PDE1A: variants seen among roughly 807,000 people sequenced by gnomAD.
PDE1A encodes the protein phosphodiesterase 1A.
A neutral mutation model predicts 61.7 loss-of-function variants in PDE1A; 35 were observed. That is an observed-to-expected ratio of 0.57 (90% confidence interval 0.43 to 0.75). The LOEUF (loss-of-function observed/expected upper bound fraction) is 0.75. Among genes scored for constraint, PDE1A ranks in the 30% least tolerant of loss-of-function variants. The probability of loss-of-function intolerance (pLI) is 0.00; values close to 1 mark genes in which losing one functional copy is unlikely to be tolerated. For synonymous variants in PDE1A, 232 were observed against 213.2 expected, an observed-to-expected ratio of 1.09 and a Z score of -0.77; for missense variants, 597 against 630.6, an observed-to-expected ratio of 0.95 and a Z score of 0.57.
intron 2 of PDE1A, among the ~76,000 whole-genome samples, chr2:182,455,560 T>C (rs536230165): frequency 1.3e-5 from 2 of 152,136 alleles, no homozygotes; most frequent in Non-Finnish European, 2.9e-5. Flanking sequence ...ATATACACCA[T>C]GGAACACTAT....
intron 4 of PDE1A, 111 bp from the exon 5 acceptor site, chr2:182,231,242 T>G (rs1274954557): frequency 3.0e-6 from 2 of 676,362 alleles, no homozygotes; most frequent in Non-Finnish European, 5.2e-6. Context: ...CAATTTAGCA[T>G]GTCAAACTAC....
At chr2:182,681,560 C>T in the PDE1A span, among the ~76,000 whole-genome samples, 1 of 134,822 alleles carries the variant, frequency 7.4e-6, no homozygotes, top group South Asian at 2.6e-4. Context: ...AATTGCCAAA[C>T]GAGCACCTCT....
chr2:182,455,359 G>A (rs1685835730), intron 2 of PDE1A, among the ~76,000 whole-genome samples: 2 of 152,166 alleles, frequency 1.3e-5, no homozygotes, highest in Admixed American at 1.3e-4. Context: ...CGATTCCTCA[G>A]GGATCTAGAA....
At chr2:182,570,560 G>A in the PDE1A span, among the ~76,000 whole-genome samples, 9 of 152,082 alleles carry the variant, frequency 5.9e-5, no homozygotes, top group South Asian at 2.1e-4. Flanking sequence ...CAAATACAGC[G>A]ACAAATCTAT....
At chr2:182,506,098 G>A (rs888271476) in intron 2 of PDE1A, among the ~76,000 whole-genome samples, 1 of 152,168 alleles carries the variant, frequency 6.6e-6, no homozygotes, top group Non-Finnish European at 1.5e-5. Context: ...AGAAAATGAT[G>A]TTATGCTATA....
chr2:182,296,883 C>G (rs1214539106), intron 1 of PDE1A, among the ~76,000 whole-genome samples: 1 of 152,190 alleles, frequency 6.6e-6, no homozygotes, highest in Non-Finnish European at 1.5e-5. Context: ...AAGGAACTCA[C>G]CCCTTTTTTC....
chr2:182,633,049 A>G, the PDE1A span, among the ~76,000 whole-genome samples: 1 of 152,246 alleles, frequency 6.6e-6, no homozygotes, highest in African/African-American at 2.4e-5. Context: ...ATGACAAATA[A>G]AGACGAATTT....
chr2:182,652,989 C>G, the PDE1A span, among the ~76,000 whole-genome samples: 2 of 152,192 alleles, frequency 1.3e-5, no homozygotes, highest in African/African-American at 2.4e-5. Flanking sequence ...AAGTGCACCT[C>G]ATGAGTTCTA....
At chr2:182,170,095 T>A (rs1692051081) in intron 13 of PDE1A, among the ~76,000 whole-genome samples, 1 of 152,030 alleles carries the variant, frequency 6.6e-6, no homozygotes, top group Non-Finnish European at 1.5e-5. Context: ...GTTTAGAGAA[T>A]TTAACTAAAC....
At chr2:182,366,813 AC>A (rs2125215577) in intron 1 of PDE1A, among the ~76,000 whole-genome samples, 1 of 152,162 alleles carries the variant, frequency 6.6e-6, no homozygotes, top group Non-Finnish European at 1.5e-5. Context: ...AATTGTTTTG[AC>A]TAGTGGGCTT....
downstream of PDE1A, among the ~76,000 whole-genome samples, chr2:182,163,928 G>A (rs549359318): frequency 1.3e-4 from 20 of 152,268 alleles, no homozygotes; most frequent in African/African-American, 4.6e-4. Context: ...CCCTACAGGT[G>A]AATCACAATA....
At chr2:182,334,595 T>C (rs916958879) in intron 1 of PDE1A, among the ~76,000 whole-genome samples, 7 of 152,194 alleles carry the variant, frequency 4.6e-5, no homozygotes, top group Admixed American at 3.3e-4. Context: ...CTGAAAACTC[T>C]CAATGAACTA....
At chr2:182,271,422 G>A in intron 1 of PDE1A, among the ~76,000 whole-genome samples, 1 of 152,044 alleles carries the variant, frequency 6.6e-6, no homozygotes, top group South Asian at 2.1e-4. Flanking sequence ...ACTCTTTTAA[G>A]TACAAAGGAA....
At chr2:182,549,015 T>C in the PDE1A span, among the ~76,000 whole-genome samples, 1 of 152,230 alleles carries the variant, frequency 6.6e-6, no homozygotes, top group African/African-American at 2.4e-5. Flanking sequence ...AAATGTATAT[T>C]AGTATGTCTA....
At chr2:182,613,958 T>C in the PDE1A span, among the ~76,000 whole-genome samples, 3 of 152,186 alleles carry the variant, frequency 2.0e-5, no homozygotes. Flanking sequence ...ATTAGTATGA[T>C]AAGCAAGTAC....
intron 2 of PDE1A, among the ~76,000 whole-genome samples, chr2:182,256,909 A>G (rs1392221998): frequency 6.6e-6 from 1 of 152,212 alleles, no homozygotes; most frequent in Non-Finnish European, 1.5e-5. Context: ...AAAATAGTCT[A>G]TACTAATTTC....
the PDE1A span, among the ~76,000 whole-genome samples, chr2:182,680,215 CTT>C: frequency 2.4e-4 from 34 of 139,766 alleles, no homozygotes; most frequent in Admixed American, 4.3e-4. Context: ...TTATCAGCGA[CTT>C]TTTTTTTTTT....
At chr2:182,508,172 A>G (rs755313579) in intron 2 of PDE1A, among the ~76,000 whole-genome samples, 1 of 152,070 alleles carries the variant, frequency 6.6e-6, no homozygotes, top group Non-Finnish European at 1.5e-5. Flanking sequence ...AAATCATTCA[A>G]CAAAATTCAA....
At chr2:182,692,101 T>G in the PDE1A span, among the ~76,000 whole-genome samples, 1 of 152,204 alleles carries the variant, frequency 6.6e-6, no homozygotes. Context: ...TCAACCATTG[T>G]GGAAGACAGT....
Sources: gnomAD v4.1 joint callset for allele counts (sites outside exome capture counted in the v4.1 genomes callset) on GRCh38, gnomAD v4.1.1 for gene constraint, MANE v1.5 for transcripts, NCBI Gene and HGNC (gene_info 2026-07-23, HGNC 2026-07-21) for gene names.